The following CETN3 variants were observed in gnomAD, a reference collection of about 807,000 sequenced individuals.
The protein encoded by CETN3 is centrin 3.
CETN3 carries 17 observed loss-of-function variants against 20.1 expected under a neutral mutation model. That is an observed-to-expected ratio of 0.85 (90% CI 0.58 to 1.27). The LOEUF (loss-of-function observed/expected upper bound fraction) is 1.27. Ranked by LOEUF, CETN3 falls within the 50% of genes most tolerant of loss-of-function variation. The pLI is 0.00. For synonymous variants in CETN3, 52 were observed against 59.7 expected, an observed-to-expected ratio of 0.87 and a Z score of 0.59; for missense variants, 169 against 191.2, an observed-to-expected ratio of 0.88 and a Z score of 0.69.
At chr5:90,396,085 T>C in intron 4 of CETN3, 1 of 956,894 alleles carries the variant, frequency 1.0e-6, no homozygotes, top group East Asian at 1.2e-4. Context: ...GGTAAATCAT[T>C]ACTTGGGCTC....
At chr5:90,405,185 T>C (rs946963218) in intron 3 of CETN3, among the ~76,000 whole-genome samples, 1 of 152,120 alleles carries the variant, frequency 6.6e-6, no homozygotes, top group Non-Finnish European at 1.5e-5. Context: ...CCAGAGGATG[T>C]AGCCTCTCAT....
chr5:90,394,316 G>A (rs144073894), intron 4 of CETN3, among the ~76,000 whole-genome samples: 2 of 152,076 alleles, frequency 1.3e-5, no homozygotes, highest in African/African-American at 2.4e-5. Context: ...TACATATAAT[G>A]TGATAAACAT....
intron 4 of CETN3, chr5:90,396,687 T>A: frequency 3.1e-6 from 2 of 639,990 alleles, no homozygotes; most frequent in Non-Finnish European, 4.6e-6. Context: ...CTTAAAGATC[T>A]AGAACTTTTT....
At chr5:90,396,585 TA>T in intron 4 of CETN3, 1 of 1,493,570 alleles carries the variant, frequency 6.7e-7, no homozygotes, top group Non-Finnish European at 9.0e-7. Context: ...AGAAAAAACA[TA>T]AAACAGCCTT....
At chr5:90,408,606 T>C (rs1749530352) in intron 1 of CETN3, among the ~76,000 whole-genome samples, 1 of 152,160 alleles carries the variant, frequency 6.6e-6, no homozygotes, top group Admixed American at 6.5e-5. Context: ...AAGCAAAAAT[T>C]ATTTTAAAGC....
chr5:90,407,757 T>C lies in CETN3; in HGVS notation c.95A>G (p.Asp32Gly), dbSNP rs1374827528. Residue 32 changes from aspartate to glycine, a missense_variant, in exon 2 of 5, where the codon GAT (aspartate) becomes GGT (glycine). By Grantham distance (94) the Asp-to-Gly change is moderately conservative. Coordinates refer to ENST00000283122, the MANE Select transcript of CETN3 (RefSeq NM_004365.4). ...LSEEQKQEIKDAFELFDTDKD... is the reference protein window; with the variant it reads ...LSEEQKQEIKGAFELFDTDKD... ...GTCTGTATCAAATAGTTCAAAAGCA[T>C]CTTTAATTTCTTGTTTCTGTTCCTC... 1.9e-6 allele frequency: 3 copies of C among 1,598,762 alleles called. No individual in the cohort carries two copies. Among genetic ancestry groups the C allele is most frequent in the Non-Finnish European group, 2.6e-6 (3 of 1,169,086 alleles).
chr5:90,399,630 A>T, intron 3 of CETN3, 81 bp from the exon 4 acceptor site: 6 of 1,102,168 alleles, frequency 5.4e-6, no homozygotes, highest in Non-Finnish European at 8.0e-6. Flanking sequence ...TAAATATTAG[A>T]TGAGAATTAA....
chr5:90,409,656 A>G lies in CETN3; in HGVS notation c.6T>C (p.Ser2=). The G allele has an allele frequency of 6.2e-7, 1 of 1,613,952 alleles. No homozygotes were observed. The highest frequency in any genetic ancestry group is 8.5e-7 in the Non-Finnish European group (1 of 1,179,992). M[S]LALRSELVVD... ...TCCTTATTACCGACCTCAGAGCTAAACTCATTATCTCTTCGCACAGAGACG... is the reference window on the plus strand; with the variant it reads ...TCCTTATTACCGACCTCAGAGCTAAGCTCATTATCTCTTCGCACAGAGACG... Residue 2 remains serine, a synonymous_variant, in exon 1 of 5, where the codon AGT becomes AGC. Transcript: ENST00000283122.
rs753953870 is a variant in CETN3 at position 90,399,370 on chromosome 5, C to G, written c.448G>C (p.Gly150Arg). The change falls in exon 4 of 5, where the codon GGT becomes CGT. Residue 150 changes from glycine to arginine, a missense_variant. Physicochemically the swap from Gly to Arg is moderately radical, Grantham distance 125. Coordinates refer to ENST00000283122, the MANE Select transcript of CETN3 (RefSeq NM_004365.4). ...RAMIEEFDKD[G>R]DGEINQEEFI... ...ACTTAAAACTTACTTTCTCCATCACCATCTTTGTCAAATTCTTCTATCATA... is the reference window on the plus strand; with the variant it reads ...ACTTAAAACTTACTTTCTCCATCACGATCTTTGTCAAATTCTTCTATCATA... 1 of 1,613,876 alleles carries G rather than the reference C, an allele frequency of 6.2e-7. No individual in the cohort carries two copies. Among genetic ancestry groups the G allele is most frequent in the African/African-American group, 1.3e-5 (1 of 75,022 alleles).
At chr5:90,396,803 T>G (rs1297937068) in intron 4 of CETN3, among the ~76,000 whole-genome samples, 5 of 152,074 alleles carry the variant, frequency 3.3e-5, no homozygotes, top group Non-Finnish European at 1.5e-5. Context: ...TACAAAAACT[T>G]TAAACTATAA....
chr5:90,396,218 A>C (rs1051596955), intron 4 of CETN3: 2 of 985,224 alleles, frequency 2.0e-6, no homozygotes, highest in African/African-American at 3.5e-5. Flanking sequence ...TGAGTTAGGA[A>C]AAATGCACCC....
In CETN3 at chr5:90,399,540, C is replaced by G; in HGVS notation, c.278G>C (p.Trp93Ser). 1 of 1,609,920 alleles carries G rather than the reference C, an allele frequency of 6.2e-7. No individual in the cohort carries two copies. The highest frequency in any genetic ancestry group is 1.7e-5 in the Admixed American group (1 of 60,006). The stretch of plus-strand genomic sequence containing the variant: ...TTCATGGGGATCTCTTTCCAATATC[C>G]AGTCTGTCACTACAGTTTAAAAACA... Reference protein sequence around the residue: ...FEDFNEVVTDWILERDPHEEI... With the variant: ...FEDFNEVVTDSILERDPHEEI... Residue 93 changes from tryptophan (W) to serine (S), a missense_variant, in exon 4 of 5, where the codon TGG (tryptophan) becomes TCG (serine). Trp to Ser is a radical substitution (Grantham distance 177, BLOSUM62 -3). Transcript: ENST00000283122.
chr5:90,399,444 C>A lies in CETN3; in HGVS notation c.374G>T (p.Arg125Leu), dbSNP rs372629434. The A allele has an allele frequency of 6.2e-7, 1 of 1,613,996 alleles. No individual in the cohort carries two copies. ...SGKISLRNLRRVARELGENMS... is the reference protein window; with the variant it reads ...SGKISLRNLRLVARELGENMS... ...GTTTTCACCCAATTCTCTAGCAACA[C>A]GTCGCAAATTCCTCAAGCTTATTTT... The change falls in exon 4 of 5, where the codon CGT (arginine) becomes CTT (leucine). Residue 125 changes from arginine to leucine, a missense_variant. Transcript: ENST00000283122.
rs1439863656 is a variant in CETN3 at position 90,396,554 on chromosome 5, GTTC to G, written c.461-2450_461-2448del. 2.0e-6 allele frequency: 3 copies of G among 1,532,612 alleles called. No homozygotes were observed. In the South Asian group the frequency reaches 3.6e-5, roughly 18 times the overall value. The allele number at this position is 1,532,612 out of a possible 1,614,324, so 94.9% of individuals were successfully genotyped here. ...TAGACCAAATAGGAAGCAAGAGTAT[GTTC>G]TTAAGAACTGTATTAAGAGAAAAAA... On this transcript the variant is annotated intron_variant, in intron 4 of 4. Coordinates refer to ENST00000283122, the MANE Select transcript of CETN3 (RefSeq NM_004365.4).
At chr5:90,394,786 C>A (rs1749100657) in intron 4 of CETN3, among the ~76,000 whole-genome samples, 1 of 151,458 alleles carries the variant, frequency 6.6e-6, no homozygotes, top group Non-Finnish European at 1.5e-5. Context: ...TTTTAGTTTG[C>A]CAAAATTATA....
chr5:90,397,706 T>C (rs1749167477), intron 4 of CETN3, among the ~76,000 whole-genome samples: 1 of 152,154 alleles, frequency 6.6e-6, no homozygotes, highest in Non-Finnish European at 1.5e-5. Context: ...CAATATTACG[T>C]TTAAAAGCAC....
intron 3 of CETN3, among the ~76,000 whole-genome samples, chr5:90,401,550 G>A (rs78678346): frequency 0.046 from 7,041 of 151,946 alleles, 550 homozygotes; most frequent in African/African-American, 0.16. Flanking sequence ...TTAAGAATAC[G>A]GCAAATCCAA....
chr5:90,405,526 GA>G (rs376256891), intron 3 of CETN3, 158 bp downstream of exon 3: 18 of 550,888 alleles, frequency 3.3e-5, no homozygotes, highest in South Asian at 7.7e-5. Context: ...TTTTTTCTTT[GA>G]AAAAAAAACC....
rs369532232 is a variant in CETN3 at position 90,392,566 on chromosome 5, G to A, written c.*1498C>T. ...ATAGTGAGTTCTCATGAGATCTGGT[G>A]GTTTCAAAGTACTTGGCACTTCTCT... On this transcript the variant is annotated 3_prime_UTR_variant, in exon 5 of 5. Transcript: ENST00000283122. The A allele has an allele frequency of 6.6e-6, 1 of 152,118 alleles. No individual in the cohort carries two copies. Among genetic ancestry groups the A allele is most frequent in the East Asian group, 1.9e-4 (1 of 5,198 alleles). 9.4% of individuals were successfully genotyped at this position (152,118 alleles called of 1,614,324 possible).
Sources: gnomAD v4.1 joint callset for allele counts (sites outside exome capture counted in the v4.1 genomes callset) on GRCh38, gnomAD v4.1.1 for gene constraint, MANE v1.5 for transcripts, NCBI Gene and HGNC (gene_info 2026-07-23, HGNC 2026-07-21) for gene names.